The following DYNLRB2 variants were observed in gnomAD, a reference collection of about 807,000 sequenced individuals.
The protein encoded by DYNLRB2 is bithoraxoid-like protein.
In DYNLRB2, 14 loss-of-function variants were observed where a neutral mutation model predicts 12.6. The observed-to-expected ratio is 1.11, with a 90% CI of 0.73 to 1.73. DYNLRB2 has a LOEUF of 1.73. DYNLRB2 is among the 40% of genes most tolerant of loss of function. The pLI is 0.00. For synonymous variants in DYNLRB2, 53 were observed against 37.0 expected (o/e 1.43, Z -1.57); for missense variants, 142 against 117.7 (o/e 1.21, Z -0.95).
In DYNLRB2 at chr16:80,550,500, T is replaced by A; in HGVS notation, c.248-15T>A. ...TTAAATTAAGGGTGAATTGATTTTA[T>A]CCATCTCTCCATAGATAAGGAATAT... On this transcript the variant is annotated splice_polypyrimidine_tract_variant and intron_variant, in intron 3 of 3. Transcript: ENST00000305904. 1 of 1,614,026 alleles carries A rather than the reference T, an allele frequency of 6.2e-7. No homozygotes were observed. The highest frequency in any genetic ancestry group is 8.5e-7 in the Non-Finnish European group (1 of 1,179,912).
intron 1 of DYNLRB2, among the ~76,000 whole-genome samples, chr16:80,542,262 C>G (rs1904294754): frequency 6.6e-6 from 1 of 152,092 alleles, no homozygotes; most frequent in Non-Finnish European, 1.5e-5. Context: ...TTTATTTAAG[C>G]TTTTAGCAGT....
intron 2 of DYNLRB2, chr16:80,544,741 C>G (rs1904346587): frequency 6.6e-6 from 1 of 152,204 alleles, no homozygotes. Context: ...TCCGAAGGCT[C>G]ATGCTGTCTC....
At chr16:80,545,448 A>G (rs1904392773) in intron 2 of DYNLRB2, among the ~76,000 whole-genome samples, 1 of 152,170 alleles carries the variant, frequency 6.6e-6, no homozygotes, top group Admixed American at 6.5e-5. Flanking sequence ...TGAAAAAAGC[A>G]GAGAACAAAG....
chr16:80,542,713 G>A (rs1395602175), intron 1 of DYNLRB2, among the ~76,000 whole-genome samples: 1 of 152,180 alleles, frequency 6.6e-6, no homozygotes, highest in African/African-American at 2.4e-5. Flanking sequence ...TGAGACGCAA[G>A]CTATAGTTAT....
chr16:80,550,446 A>C (rs1904772058), intron 3 of DYNLRB2, 69 bp from the exon 4 acceptor site: 4 of 1,582,274 alleles, frequency 2.5e-6, no homozygotes, highest in African/African-American at 1.3e-5. Context: ...AGAAAAAAGA[A>C]GACTAGTTGA....
At chr16:80,549,010 A>G (rs1245423733) in intron 2 of DYNLRB2, 2 of 456,046 alleles carry the variant, frequency 4.4e-6, no homozygotes. Flanking sequence ...CAAGATGTTC[A>G]GGGGAGTGCA....
chr16:80,547,575 C>T (rs1286286774), intron 2 of DYNLRB2, among the ~76,000 whole-genome samples: 6 of 152,200 alleles, frequency 3.9e-5, no homozygotes, highest in Admixed American at 2.6e-4. Flanking sequence ...ACCTGAGCAT[C>T]TGATTCATAA....
chr16:80,549,511 A>C lies in DYNLRB2; in HGVS notation c.107A>C (p.Asn36Thr), dbSNP rs374532127. Residue 36 changes from asparagine (N) to threonine (T), a missense_variant, in exon 3 of 4, where the codon AAC (asparagine) becomes ACC (threonine). By Grantham distance (65) the Asn-to-Thr change is moderately conservative (BLOSUM62 0). Transcript: ENST00000305904. ...EGIPIRTTLD[N>T]STTVQYAGLL... ...ATTCCCATCCGAACAACCTTGGACA[A>C]CTCAACAACTGTTCAATATGCAGGC... 35 of 1,610,900 alleles carry C rather than the reference A, an allele frequency of 2.2e-5. No individual in the cohort carries two copies. In the East Asian group the frequency reaches 7.1e-4, roughly 33 times the overall value.
chr16:80,541,416 G>A, intron 1 of DYNLRB2: 1 of 984,118 alleles, frequency 1.0e-6, no homozygotes, highest in Non-Finnish European at 1.2e-6. Context: ...AAGAGGGGGC[G>A]GGAGGCCGAG....
At chr16:80,540,961 C>A, upstream of DYNLRB2, 3 of 1,554,434 alleles carry the variant, frequency 1.9e-6, no homozygotes, top group South Asian at 2.3e-5. Context: ...CAGGCGCAGC[C>A]CTGACGCTTC....
chr16:80,549,335 G>C (rs1430108176), intron 2 of DYNLRB2, 149 bp from the exon 3 acceptor site: 1 of 737,384 alleles, frequency 1.4e-6, no homozygotes, highest in East Asian at 2.8e-5. Flanking sequence ...AAGGATTTGA[G>C]GGAAATAAAC....
At chr16:80,546,595 G>C (rs1904482274) in intron 2 of DYNLRB2, among the ~76,000 whole-genome samples, 1 of 152,018 alleles carries the variant, frequency 6.6e-6, no homozygotes, top group South Asian at 2.1e-4. Context: ...TGTTAGCATT[G>C]GTTTCTCATT....
At chr16:80,544,410 G>A (rs1289554231) in intron 2 of DYNLRB2, among the ~76,000 whole-genome samples, 4 of 152,286 alleles carry the variant, frequency 2.6e-5, no homozygotes, top group East Asian at 1.9e-4. Context: ...AGAGATAATA[G>A]AACATAATAA....
chr16:80,545,666 CTT>C (rs775659372), intron 2 of DYNLRB2, among the ~76,000 whole-genome samples: 2 of 74,916 alleles, frequency 2.7e-5, no homozygotes, highest in African/African-American at 4.6e-5. Flanking sequence ...CCATTAGCTT[CTT>C]TTTTTTTTTT....
intron 2 of DYNLRB2, among the ~76,000 whole-genome samples, chr16:80,545,649 TC>T (rs1222017960): frequency 2.7e-5 from 4 of 150,190 alleles, no homozygotes; most frequent in Non-Finnish European, 4.4e-5. Flanking sequence ...AATATTATTT[TC>T]AGTACCCATT....
At chr16:80,542,966 A>G (rs1904302187) in intron 1 of DYNLRB2, among the ~76,000 whole-genome samples, 1 of 152,220 alleles carries the variant, frequency 6.6e-6, no homozygotes, top group Non-Finnish European at 1.5e-5. Flanking sequence ...TTTCCATGCA[A>G]TGTAAAGAAT....
rs149025508 is a variant in DYNLRB2 at position 80,550,107 on chromosome 16, G to A, written c.248-408G>A. Among the ~76,000 whole-genome samples the A allele has an allele frequency of 1.8e-3, 269 of 152,234 alleles. 1 individual carries two copies. The highest frequency in any genetic ancestry group is 6.1e-3 in the African/African-American group (253 of 41,540). On this transcript the variant is annotated intron_variant, in intron 3 of 3. Transcript: ENST00000305904. ...TCCTTTCCCTGAAGGAATTAGGTTC[G>A]CAATATTACAAAATGACTGTACAAT...
At chr16:80,550,458 A>G in intron 3 of DYNLRB2, 57 bp from the exon 4 acceptor site, 12 of 1,602,236 alleles carry the variant, frequency 7.5e-6, no homozygotes, top group Non-Finnish European at 1.0e-5. Flanking sequence ...ACTAGTTGAA[A>G]TATTCCTTGA....
upstream of DYNLRB2, chr16:80,540,989 T>A (rs9922406): frequency 1.9e-6 from 3 of 1,585,160 alleles, no homozygotes; most frequent in Non-Finnish European, 2.6e-6. Flanking sequence ...CCACTTCCTT[T>A]TTTGTCTCCT....
Sources: gnomAD v4.1 joint callset for allele counts (sites outside exome capture counted in the v4.1 genomes callset) on GRCh38, gnomAD v4.1.1 for gene constraint, MANE v1.5 for transcripts, NCBI Gene and HGNC (gene_info 2026-07-23, HGNC 2026-07-21) for gene names.